SLC18A1: variants seen among roughly 807,000 people sequenced by gnomAD.
SLC18A1 encodes solute carrier family 18 member A1, also known as chromaffin granule amine transporter.
A neutral mutation model predicts 53.7 loss-of-function variants in SLC18A1; 69 were observed. That is an observed-to-expected ratio of 1.28 (90% CI 1.06 to 1.57). The LOEUF is 1.57. Ranked by LOEUF, SLC18A1 falls within the 40% of genes most tolerant of loss-of-function variation. The pLI is 0.00. For missense variants in SLC18A1, 932 were observed against 668.1 expected, an observed-to-expected ratio of 1.40 and a Z score of -4.35; for synonymous variants, 320 against 248.1, an observed-to-expected ratio of 1.29 and a Z score of -2.72.
At position 20,164,665 on chromosome 8, in the gene SLC18A1, C is replaced by G. The variant is rs191627775; in HGVS notation, c.1015+204G>C. On this transcript the variant is annotated intron_variant, in intron 10 of 15. Coordinates refer to ENST00000276373, the MANE Select transcript of SLC18A1 (RefSeq NM_003053.4). ...AGCTAGGTATGTGACCTCTCCATAG[C>G]CCCTTTCATCCTCTCTCACCCTCCC... Among the ~76,000 whole-genome samples the G allele has an allele frequency of 2.6e-5, 4 of 152,310 alleles. No individual in the cohort carries two copies. The East Asian group carries it at 5.8e-4, about 22-fold the overall frequency.
chr8:20,176,851 A>T (rs2072264872), intron 4 of SLC18A1, among the ~76,000 whole-genome samples: 2 of 152,228 alleles, frequency 1.3e-5, no homozygotes, highest in African/African-American at 4.8e-5. Flanking sequence ...CTTTTAACAC[A>T]TGAATTCTTG....
At chr8:20,163,643 T>C (rs981361520) in intron 10 of SLC18A1, among the ~76,000 whole-genome samples, 3 of 152,196 alleles carry the variant, frequency 2.0e-5, no homozygotes, top group African/African-American at 7.2e-5. Flanking sequence ...TATATTAGCA[T>C]CACCTGCAGA....
At chr8:20,171,250 C>T (rs2072108498) in intron 7 of SLC18A1, 104 bp from the exon 8 acceptor site, 10 of 1,392,734 alleles carry the variant, frequency 7.2e-6, no homozygotes, top group South Asian at 3.5e-5. Context: ...AATTTAACTC[C>T]CTGAGTTTCT....
At chr8:20,153,465 C>T in intron 10 of SLC18A1, among the ~76,000 whole-genome samples, 1 of 151,968 alleles carries the variant, frequency 6.6e-6, no homozygotes, top group Admixed American at 6.6e-5. Context: ...ATCACAAGGT[C>T]AGGAGATCAA....
chr8:20,177,780 T>G (rs967554981), intron 4 of SLC18A1, among the ~76,000 whole-genome samples: 1 of 152,144 alleles, frequency 6.6e-6, no homozygotes, highest in African/African-American at 2.4e-5. Flanking sequence ...CGCTAACCCT[T>G]TTCATTCCTT....
intron 8 of SLC18A1, among the ~76,000 whole-genome samples, chr8:20,167,650 T>C (rs2072002700): frequency 6.6e-6 from 1 of 152,126 alleles, no homozygotes. Flanking sequence ...AGACAGAGTC[T>C]TGCTCTGTAG....
chr8:20,149,790 T>C, intron 11 of SLC18A1, 63 bp from the exon 12 acceptor site: 4 of 1,494,218 alleles, frequency 2.7e-6, no homozygotes, highest in Non-Finnish European at 3.7e-6. Flanking sequence ...CTGTACCCCA[T>C]CACCGCCATG....
At chr8:20,166,399 T>C (rs1320434120) in intron 8 of SLC18A1, among the ~76,000 whole-genome samples, 1 of 146,758 alleles carries the variant, frequency 6.8e-6, no homozygotes, top group East Asian at 2.0e-4. Context: ...GGACATATTA[T>C]TGAGAAAAAA....
chr8:20,159,883 C>G (rs933057432), intron 10 of SLC18A1, among the ~76,000 whole-genome samples: 1 of 152,038 alleles, frequency 6.6e-6, no homozygotes, highest in Non-Finnish European at 1.5e-5. Context: ...CACTCTAACT[C>G]CAAGTGTTTC....
chr8:20,162,141 G>A (rs760774781), intron 10 of SLC18A1, among the ~76,000 whole-genome samples: 50 of 152,180 alleles, frequency 3.3e-4, no homozygotes, highest in East Asian at 1.7e-3. Context: ...GCACTGAAAC[G>A]CAGAGAGCAG....
chr8:20,173,974 G>C (rs2072191940), intron 5 of SLC18A1, among the ~76,000 whole-genome samples: 1 of 148,714 alleles, frequency 6.7e-6, no homozygotes, highest in Admixed American at 6.8e-5. Context: ...ATGGCTCACT[G>C]CAGCCTTGAC....
At chr8:20,178,529 C>T in intron 3 of SLC18A1, 36 bp from the exon 4 acceptor site, 1 of 1,512,014 alleles carries the variant, frequency 6.6e-7, no homozygotes, top group South Asian at 1.2e-5. Context: ...GATACAATTC[C>T]AACAGGCACT....
At chr8:20,152,550 T>G (rs2071584585) in intron 10 of SLC18A1, among the ~76,000 whole-genome samples, 1 of 152,056 alleles carries the variant, frequency 6.6e-6, no homozygotes, top group African/African-American at 2.4e-5. Context: ...AACCTAGGTT[T>G]TTGTCTTAAT....
chr8:20,148,588 T>C, intron 12 of SLC18A1: 1 of 638,912 alleles, frequency 1.6e-6, no homozygotes, highest in Non-Finnish European at 2.5e-6. Flanking sequence ...GCAGGTGGTG[T>C]GGCTTGGGTC....
At chr8:20,176,608 G>A (rs370340392) in intron 4 of SLC18A1, among the ~76,000 whole-genome samples, 22 of 152,124 alleles carry the variant, frequency 1.4e-4, no homozygotes, top group Non-Finnish European at 2.9e-4. Context: ...CTCCTAGTTG[G>A]GGGGTGGAGG....
intron 10 of SLC18A1, among the ~76,000 whole-genome samples, chr8:20,153,344 C>T (rs546732272): frequency 6.6e-6 from 1 of 152,186 alleles, no homozygotes; most frequent in Admixed American, 6.5e-5. Flanking sequence ...AGAAGAGTGA[C>T]ATCCATCATG....
chr8:20,151,501 G>C (rs1032734671), intron 10 of SLC18A1, among the ~76,000 whole-genome samples: 4 of 152,174 alleles, frequency 2.6e-5, no homozygotes, highest in African/African-American at 7.2e-5. Context: ...CTCTGAGAGG[G>C]ATCTTGGATT....
Position 20,157,022 on chromosome 8 carries a change from G to A in SLC18A1, c.1016-6278C>T, listed in dbSNP as rs527926203. ...TCCTTTCTTTGTGGTCAAGAAAGGC[G>A]GGAAAACAGGTGCAGGACTGCTACA... On this transcript the variant is annotated intron_variant, in intron 10 of 15. Transcript: ENST00000276373. Among the ~76,000 whole-genome samples, 19 of 152,252 alleles carry A rather than the reference G, an allele frequency of 1.2e-4. No individual in the cohort carries two copies. The South Asian group carries it at 2.7e-3, about 22-fold the overall frequency.
chr8:20,177,365 A>G (rs1042650755), intron 4 of SLC18A1, among the ~76,000 whole-genome samples: 4 of 152,196 alleles, frequency 2.6e-5, no homozygotes, highest in Admixed American at 1.3e-4. Flanking sequence ...AGAGGAAGAC[A>G]GAAAGTAGAC....
Sources: gnomAD v4.1 joint callset for allele counts (sites outside exome capture counted in the v4.1 genomes callset) on GRCh38, gnomAD v4.1.1 for gene constraint, MANE v1.5 for transcripts, NCBI Gene and HGNC (gene_info 2026-07-23, HGNC 2026-07-21) for gene names.